KAT7: variants seen among roughly 807,000 people sequenced by gnomAD.
KAT7 encodes the protein lysine acetyltransferase 7.
KAT7 carries 10 observed loss-of-function variants against 82.1 expected under a neutral mutation model. The ratio of observed to expected loss-of-function variants is 0.12; its 90% CI spans 0.08 to 0.21. The LOEUF (loss-of-function observed/expected upper bound fraction) is 0.21, where lower values mean the gene tolerates loss of function less well. KAT7 is among the 10% of genes least tolerant of loss of function. The pLI is 1.00. For synonymous variants in KAT7, 250 were observed against 262.5 expected (o/e 0.95, Z 0.46); for missense variants, 378 against 760.9 (o/e 0.50, Z 5.92).
intron 2 of KAT7, among the ~76,000 whole-genome samples, chr17:49,792,708 G>C (rs1311500674): frequency 1.3e-5 from 2 of 152,148 alleles, no homozygotes; most frequent in Non-Finnish European, 2.9e-5. Flanking sequence ...AATAGGCTTT[G>C]TGTTAGATGA....
At chr17:49,799,308 A>C (rs896467472) in intron 4 of KAT7, among the ~76,000 whole-genome samples, 3 of 152,200 alleles carry the variant, frequency 2.0e-5, no homozygotes, top group African/African-American at 7.2e-5. Flanking sequence ...TGTGGCTATC[A>C]AGTTTGAAAA....
chr17:49,830,357 T>C lies in KAT7; in HGVS notation c.*2855T>C, dbSNP rs1406802773. 1 of 151,544 alleles carries C rather than the reference T, an allele frequency of 6.6e-6. No homozygotes were observed. The highest frequency in any genetic ancestry group is 2.4e-5 in the African/African-American group (1 of 41,004). 9.4% of individuals were successfully genotyped at this position (151,544 alleles called of 1,614,324 possible). A position where few individuals can be genotyped will look rare whatever the true frequency, so the allele number is the denominator to read the frequency against. ...TACAGGTGCAGGCCACCTGGCTAAT[T>C]TTTGTATGTTTAGTAGAGACAGGGT... is the stretch of plus-strand genomic sequence containing the variant. On this transcript the variant is annotated 3_prime_UTR_variant, in exon 15 of 15. Coordinates refer to ENST00000259021, the MANE Select transcript of KAT7 (RefSeq NM_007067.5).
chr17:49,812,172 A>G (rs1437891312), intron 7 of KAT7, among the ~76,000 whole-genome samples: 1 of 147,584 alleles, frequency 6.8e-6, no homozygotes, highest in Non-Finnish European at 1.5e-5. Flanking sequence ...ACAATCTCTT[A>G]TTTACATAAT....
In KAT7 at chr17:49,821,808, A is replaced by G; in HGVS notation, c.1386+18A>G. ...TTTCTAAGGTAAGCAGGATCTGGAG[A>G]TTAAGAAGCCAATGGCCAGAGCAGG... On this transcript the variant is annotated intron_variant, in intron 11 of 14. Coordinates refer to ENST00000259021, the MANE Select transcript of KAT7 (RefSeq NM_007067.5). The G allele has an allele frequency of 6.2e-7, 1 of 1,613,158 alleles. No individual in the cohort carries two copies. Among genetic ancestry groups the G allele is most frequent in the Non-Finnish European group, 8.5e-7 (1 of 1,179,404 alleles).
At position 49,827,504 on chromosome 17, in the gene KAT7, G is replaced by T; in HGVS notation, c.*2G>T. 6.3e-7 allele frequency: 1 copy of T among 1,584,788 alleles called. No individual in the cohort carries two copies. Among genetic ancestry groups the T allele is most frequent in the Non-Finnish European group, 8.7e-7 (1 of 1,153,354 alleles). On this transcript the variant is annotated 3_prime_UTR_variant, in exon 15 of 15. Transcript: ENST00000259021. Reference sequence around the variant, plus strand: ...TGGACCCCTCCCAAGGGCACTTAAAGTGACCTGTCATTCCGAGCCAGCGAA... The same window carrying T: ...TGGACCCCTCCCAAGGGCACTTAAATTGACCTGTCATTCCGAGCCAGCGAA...
Position 49,818,664 on chromosome 17 carries a change from A to C in KAT7, c.1155+653A>C, listed in dbSNP as rs1483187050. Among the ~76,000 whole-genome samples, 4 of 151,312 alleles carry C rather than the reference A, an allele frequency of 2.6e-5. No homozygotes were observed. The East Asian group carries it at 7.7e-4, about 29-fold the overall frequency. Reference sequence around the variant, plus strand: ...ACAGAATAAGCTTTGTCTTAAGGGGAATTTCTGCCATGGAGCAAGGGTGCG... The same window carrying C: ...ACAGAATAAGCTTTGTCTTAAGGGGCATTTCTGCCATGGAGCAAGGGTGCG... On this transcript the variant is annotated intron_variant, in intron 9 of 14. Coordinates refer to ENST00000259021, the MANE Select transcript of KAT7 (RefSeq NM_007067.5).
At chr17:49,817,036 A>AT (rs1598080815) in intron 8 of KAT7, among the ~76,000 whole-genome samples, 2 of 152,176 alleles carry the variant, frequency 1.3e-5, no homozygotes, top group East Asian at 3.9e-4. Context: ...TTTCAAAAAT[A>AT]TTTTTTAAAG....
At chr17:49,817,222 G>T (rs1374572019) in intron 8 of KAT7, among the ~76,000 whole-genome samples, 1 of 152,164 alleles carries the variant, frequency 6.6e-6, no homozygotes, top group African/African-American at 2.4e-5. Flanking sequence ...TTATAATTCA[G>T]TTTGGTCTAG....
intron 7 of KAT7, among the ~76,000 whole-genome samples, chr17:49,813,986 G>T (rs2074202488): frequency 6.6e-6 from 1 of 151,912 alleles, no homozygotes; most frequent in Non-Finnish European, 1.5e-5. Context: ...CTGGGTTCTG[G>T]GTTCAAGCAA....
chr17:49,806,741 A>G (rs1213975293), intron 5 of KAT7, among the ~76,000 whole-genome samples: 2 of 152,234 alleles, frequency 1.3e-5, no homozygotes. Flanking sequence ...AACGTTAAGC[A>G]GTTTATTTTA....
chr17:49,831,471 G>T lies in KAT7; in HGVS notation c.*3969G>T, dbSNP rs2144016684. 1 of 152,244 alleles carries T rather than the reference G, an allele frequency of 6.6e-6. No individual in the cohort carries two copies. The highest frequency in any genetic ancestry group is 2.1e-4 in the South Asian group (1 of 4,824). 9.4% of individuals were successfully genotyped at this position (152,244 alleles called of 1,614,324 possible). The stretch of plus-strand genomic sequence containing the variant: ...TTCCTCACCACAGCACAGTAAGGTG[G>T]ATATTATAGTCTTCTTCTAGATGAA... On this transcript the variant is annotated 3_prime_UTR_variant, in exon 15 of 15. Coordinates refer to ENST00000259021, the MANE Select transcript of KAT7 (RefSeq NM_007067.5).
At chr17:49,805,579 CAT>C (rs2074081326) in intron 5 of KAT7, 134 bp downstream of exon 5, 1 of 506,502 alleles carries the variant, frequency 2.0e-6, no homozygotes, top group Non-Finnish European at 3.5e-6. Flanking sequence ...GTGGAGGAAA[CAT>C]AAAAAACAAT....
At chr17:49,792,657 G>C (rs1458812256) in intron 2 of KAT7, among the ~76,000 whole-genome samples, 1 of 152,070 alleles carries the variant, frequency 6.6e-6, no homozygotes, top group Non-Finnish European at 1.5e-5. Flanking sequence ...TCAGTGTACT[G>C]TCTTTAATAA....
At position 49,834,581 on chromosome 17, in the gene KAT7, C is replaced by T. The variant is rs2074448667; in HGVS notation, c.*7079C>T. On this transcript the variant is annotated 3_prime_UTR_variant, in exon 15 of 15. Coordinates refer to ENST00000259021, the MANE Select transcript of KAT7 (RefSeq NM_007067.5). Reference sequence around the variant, plus strand: ...AAGCTGACTCAACCTACATAGCTTTCATCATTCCCTTACACATAACCTCAA... The same window carrying T: ...AAGCTGACTCAACCTACATAGCTTTTATCATTCCCTTACACATAACCTCAA... 1 of 152,264 alleles carries T rather than the reference C, an allele frequency of 6.6e-6. No individual in the cohort carries two copies. Among genetic ancestry groups the T allele is most frequent in the South Asian group, 2.1e-4 (1 of 4,828 alleles). 9.4% of individuals were successfully genotyped at this position (152,264 alleles called of 1,614,324 possible). A position where few individuals can be genotyped will look rare whatever the true frequency, so the allele number is the denominator to read the frequency against.
chr17:49,794,694 T>G (rs2073933003), intron 2 of KAT7, among the ~76,000 whole-genome samples: 1 of 152,218 alleles, frequency 6.6e-6, no homozygotes. Flanking sequence ...GACATAATGT[T>G]TGTAGGAAGT....
At position 49,823,631 on chromosome 17, in the gene KAT7, G is replaced by A. The variant is rs117816681; in HGVS notation, c.1480+336G>A. The A allele has an allele frequency of 1.5e-3, 338 of 228,238 alleles. 4 individuals carry two copies. In the East Asian group the frequency reaches 0.029, roughly 20 times the overall value. 14.1% of individuals were successfully genotyped at this position (228,238 alleles called of 1,614,324 possible). On this transcript the variant is annotated intron_variant, in intron 12 of 14. Coordinates refer to ENST00000259021, the MANE Select transcript of KAT7 (RefSeq NM_007067.5). ...TGATGCTAGGGATTTCACTTTTGTAGGGACTTGTCTAGAGGTAATCCATGT... is the reference window on the plus strand; with the variant it reads ...TGATGCTAGGGATTTCACTTTTGTAAGGACTTGTCTAGAGGTAATCCATGT...
chr17:49,818,127 GGGATGA>G, intron 9 of KAT7, 116 bp downstream of exon 9: 1 of 748,320 alleles, frequency 1.3e-6, no homozygotes, highest in Non-Finnish European at 2.2e-6. Context: ...CCTCAGCAGT[GGGATGA>G]AGGCATAGGA....
chr17:49,796,692 T>G, intron 2 of KAT7, 58 bp from the exon 3 acceptor site: 1 of 1,356,936 alleles, frequency 7.4e-7, no homozygotes, highest in South Asian at 1.4e-5. Context: ...ATTATATGGA[T>G]AGGAAGTAAA....
At position 49,791,899 on chromosome 17, in the gene KAT7, G is replaced by A; in HGVS notation, c.29G>A (p.Ser10Asn). 1 of 1,614,158 alleles carries A rather than the reference G, an allele frequency of 6.2e-7. No individual in the cohort carries two copies. Among genetic ancestry groups the A allele is most frequent in the Non-Finnish European group, 8.5e-7 (1 of 1,179,980 alleles). Residue 10 changes from serine (S) to asparagine (N), a missense_variant, in exon 2 of 15, where the codon AGT (serine) becomes AAT (asparagine). Ser to Asn is a conservative substitution (Grantham distance 46, BLOSUM62 1). Around this residue, in one of 6 missense-constraint regions of KAT7, gnomAD observed 161 missense variants for 229.6 expected, o/e 0.70. Coordinates refer to ENST00000259021, the MANE Select transcript of KAT7 (RefSeq NM_007067.5). The part of the protein sequence containing the change: MPRRKRNAG[S>N]SSDGTEDSDF... ...ATGGTATTACAGAGGAATGCAGGCA[G>A]TAGTTCAGATGGAACCGAAGATTCC...
Sources: gnomAD v4.1 joint callset for allele counts (sites outside exome capture counted in the v4.1 genomes callset) on GRCh38, gnomAD v4.1.1 for gene constraint, gnomAD v4.1.1 regional missense constraint, MANE v1.5 for transcripts, NCBI Gene and HGNC (gene_info 2026-07-23, HGNC 2026-07-21) for gene names.